The following RBM47 variants were observed in gnomAD, a reference collection of about 807,000 sequenced individuals.
RBM47 encodes the protein RNA-binding protein 47.
A neutral mutation model predicts 47.1 loss-of-function variants in RBM47; 21 were observed. That is an observed-to-expected ratio of 0.45 (90% CI 0.32 to 0.64). The LOEUF is 0.64. RBM47 is among the 30% of genes least tolerant of loss of function. The pLI, the probability that RBM47 is intolerant of heterozygous loss-of-function variation, is 0.05. For synonymous variants in RBM47, 375 were observed against 361.7 expected (o/e 1.04, Z -0.42); for missense variants, 708 against 870.9 (o/e 0.81, Z 2.35).
In RBM47 at chr4:40,585,296, C is replaced by A. The variant is rs546253511; in HGVS notation, c.-239-40790G>T. 1.2e-3 allele frequency among the ~76,000 whole-genome samples: 190 copies of A among 152,042 alleles called. 1 individual carries two copies. The highest frequency in any genetic ancestry group is 4.4e-3 in the African/African-American group (181 of 41,456). On this transcript the variant is annotated intron_variant, in intron 1 of 6. Transcript: ENST00000295971. ...TGGGTATGGAATGGAATTTGTGAGC[C>A]AAATGAAAAAGAAAAGAGGAAAATG...
At chr4:40,621,247 A>T (rs893744596) in intron 1 of RBM47, among the ~76,000 whole-genome samples, 2 of 152,210 alleles carry the variant, frequency 1.3e-5, no homozygotes, top group African/African-American at 4.8e-5. Flanking sequence ...TTTTCAGTGA[A>T]TTATGGATCT....
chr4:40,574,766 C>G (rs1451382888), intron 1 of RBM47, among the ~76,000 whole-genome samples: 1 of 152,198 alleles, frequency 6.6e-6, no homozygotes, highest in Non-Finnish European at 1.5e-5. Context: ...AGAAGAATCA[C>G]TTGAACCCCG....
At chr4:40,589,717 G>A (rs1733950210) in intron 1 of RBM47, among the ~76,000 whole-genome samples, 1 of 152,238 alleles carries the variant, frequency 6.6e-6, no homozygotes, top group African/African-American at 2.4e-5. Flanking sequence ...GGGATTGCAG[G>A]CGTAAGCCAC....
In RBM47 at chr4:40,423,612, G is replaced by C. The variant is rs1008266888; in HGVS notation, c.*2292C>G. 1 of 151,678 alleles carries C rather than the reference G, an allele frequency of 6.6e-6. No homozygotes were observed. Among genetic ancestry groups the C allele is most frequent in the Non-Finnish European group, 1.5e-5 (1 of 67,882 alleles). 9.4% of individuals were successfully genotyped at this position (151,678 alleles called of 1,614,324 possible). A position where few individuals can be genotyped will look rare whatever the true frequency, so the allele number is the denominator to read the frequency against. On this transcript the variant is annotated 3_prime_UTR_variant, in exon 7 of 7. Transcript: ENST00000295971. Reference sequence around the variant, plus strand: ...CAATGTTTGTTTTTAAGGGAGTTTGGTGGTTGCCATGTTATCATTTTTTTT... The same window carrying C: ...CAATGTTTGTTTTTAAGGGAGTTTGCTGGTTGCCATGTTATCATTTTTTTT...
intron 2 of RBM47, among the ~76,000 whole-genome samples, chr4:40,504,975 G>A (rs1411511175): frequency 3.3e-5 from 5 of 152,140 alleles, no homozygotes; most frequent in African/African-American, 9.7e-5. Flanking sequence ...TTCAGAATAA[G>A]CACAAGATTC....
intron 1 of RBM47, among the ~76,000 whole-genome samples, chr4:40,566,723 C>T (rs1047726319): frequency 6.6e-6 from 1 of 152,024 alleles, no homozygotes; most frequent in Admixed American, 6.6e-5. Context: ...AACCATTTCA[C>T]CTCTCTGTAG....
chr4:40,464,562 G>A lies in RBM47; in HGVS notation c.-32+2015C>T, dbSNP rs114421551. Among the ~76,000 whole-genome samples the A allele has an allele frequency of 2.8e-3, 421 of 152,104 alleles. 3 individuals carry two copies. The highest frequency in any genetic ancestry group is 9.6e-3 in the African/African-American group (399 of 41,488). On this transcript the variant is annotated intron_variant, in intron 3 of 6. Coordinates refer to ENST00000295971, the MANE Select transcript of RBM47 (RefSeq NM_001098634.2). ...CAGTTGACAACGGGTAACTGAAACC[G>A]AGAAAAGTGAAACTGCAGATGGGGG...
intron 1 of RBM47, among the ~76,000 whole-genome samples, chr4:40,605,631 G>A (rs1253955575): frequency 1.3e-5 from 2 of 151,898 alleles, no homozygotes; most frequent in African/African-American, 4.8e-5. Flanking sequence ...AGGAGTTTGA[G>A]ACCAGCCTGG....
rs1738064871 is a variant in RBM47, at chr4:40,629,781, A to AGC, written c.-627_-626dup. On this transcript the variant is annotated 5_prime_UTR_variant, in exon 1 of 7. Coordinates refer to ENST00000295971, the MANE Select transcript of RBM47 (RefSeq NM_001098634.2). ...CTCGGGCTCAGCTCCCGAGGCCGGG[A>AGC]GCGCGCGGCGGTTCCACCCGCAGAG... 1 of 152,134 alleles carries AGC rather than the reference A, an allele frequency of 6.6e-6. No homozygotes were observed. The highest frequency in any genetic ancestry group is 1.5e-5 in the Non-Finnish European group (1 of 68,044). The allele number at this position is 152,134 out of a possible 1,614,324, so 9.4% of individuals were successfully genotyped here. A position where few individuals can be genotyped will look rare whatever the true frequency, so the allele number is the denominator to read the frequency against.
chr4:40,428,550 TGGAC>T (rs768046388), intron 6 of RBM47, among the ~76,000 whole-genome samples: 31 of 152,120 alleles, frequency 2.0e-4, no homozygotes, highest in Admixed American at 3.3e-4. Context: ...TCCACATGTG[TGGAC>T]GTAGGTTTAA....
At chr4:40,430,493 G>T (rs1715812359) in intron 6 of RBM47, among the ~76,000 whole-genome samples, 1 of 152,238 alleles carries the variant, frequency 6.6e-6, no homozygotes, top group Admixed American at 6.5e-5. Flanking sequence ...ATACTTAGTT[G>T]TTATTCTACA....
At chr4:40,552,375 G>C (rs972494060) in intron 1 of RBM47, among the ~76,000 whole-genome samples, 2 of 151,414 alleles carry the variant, frequency 1.3e-5, no homozygotes, top group Admixed American at 6.6e-5. Flanking sequence ...TCCAGCCTGG[G>C]CGACAGAGTG....
At chr4:40,482,071 C>G (rs80326628) in intron 2 of RBM47, among the ~76,000 whole-genome samples, 2,100 of 152,278 alleles carry the variant, frequency 0.014, 53 homozygotes, top group African/African-American at 0.048. Flanking sequence ...TAATAATCCT[C>G]TTGGAGAGAT....
intron 1 of RBM47, among the ~76,000 whole-genome samples, chr4:40,577,989 GA>G (rs1210992679): frequency 1.3e-5 from 2 of 151,906 alleles, no homozygotes; most frequent in African/African-American, 2.4e-5. Context: ...CTTAAAAAAA[GA>G]AAAAAAGAAT....
chr4:40,581,737 G>A (rs1481209923), intron 1 of RBM47, among the ~76,000 whole-genome samples: 1 of 101,870 alleles, frequency 9.8e-6, no homozygotes, highest in African/African-American at 3.7e-5. Flanking sequence ...TGTGTGAAGA[G>A]AGGCTGCAGC....
chr4:40,438,068 G>T lies in RBM47; in HGVS notation c.826C>A (p.Arg276Ser). The T allele has an allele frequency of 6.2e-7, 1 of 1,613,692 alleles. No homozygotes were observed. Among genetic ancestry groups the T allele is most frequent in the Non-Finnish European group, 8.5e-7 (1 of 1,179,986 alleles). Residue 276 changes from arginine to serine, a missense_variant, in exon 4 of 7, where the codon CGC becomes AGC. Arg to Ser is a moderately radical substitution (Grantham distance 110, BLOSUM62 -1). Coordinates refer to ENST00000295971, the MANE Select transcript of RBM47 (RefSeq NM_001098634.2). Reference protein sequence around the residue: ...FGQFNPGCVERVKKIRDYAFV... With the variant: ...FGQFNPGCVESVKKIRDYAFV... Reference sequence around the variant, plus strand: ...GCGTAGTCGCGGATCTTCTTGACGCGCTCCACGCAGCCGGGGTTGAACTGG... The same window carrying T: ...GCGTAGTCGCGGATCTTCTTGACGCTCTCCACGCAGCCGGGGTTGAACTGG...
intron 1 of RBM47, among the ~76,000 whole-genome samples, chr4:40,565,729 GC>G (rs1468169563): frequency 6.6e-6 from 1 of 152,088 alleles, no homozygotes; most frequent in Non-Finnish European, 1.5e-5. Context: ...TTCAGAGCAA[GC>G]CCAGGGCACA....
At chr4:40,587,441 G>A (rs1247187365) in intron 1 of RBM47, among the ~76,000 whole-genome samples, 5 of 152,138 alleles carry the variant, frequency 3.3e-5, no homozygotes, top group Non-Finnish European at 7.3e-5. Context: ...CATTTATGAA[G>A]CGCTAGGAGC....
rs758098537 is a variant in RBM47 at position 40,438,051 on chromosome 4, G to A, written c.843C>T (p.Arg281=). 6.2e-7 allele frequency: 1 copy of A among 1,613,796 alleles called. No individual in the cohort carries two copies. Among genetic ancestry groups the A allele is most frequent in the South Asian group, 1.1e-5 (1 of 91,086 alleles). The change falls in exon 4 of 7, where the codon CGC becomes CGT. Residue 281 remains arginine, a synonymous_variant. Transcript: ENST00000295971. ...PGCVERVKKI[R]DYAFVHFTSR... is the part of the protein sequence containing the mutation. ...TGGTGAAGTGCACGAAGGCGTAGTCGCGGATCTTCTTGACGCGCTCCACGC... is the reference window on the plus strand; with the variant it reads ...TGGTGAAGTGCACGAAGGCGTAGTCACGGATCTTCTTGACGCGCTCCACGC...
Sources: allele counts gnomAD v4.1 joint callset (sites outside exome capture counted in the v4.1 genomes callset), GRCh38; gene constraint gnomAD v4.1.1; transcripts MANE v1.5; gene names NCBI Gene and HGNC (gene_info 2026-07-23, HGNC 2026-07-21).